ANXA8: variants seen among roughly 807,000 people sequenced by gnomAD.
ANXA8 encodes VAC-beta.
Under a neutral mutation model 26.8 loss-of-function variants are expected in ANXA8, and 9 were observed. That is an observed-to-expected ratio of 0.34 (90% CI 0.20 to 0.59). The LOEUF (loss-of-function observed/expected upper bound fraction) is 0.59, where lower values mean the gene tolerates loss of function less well. ANXA8 is among the 20% of genes least tolerant of loss of function. The pLI is 0.84. For synonymous variants in ANXA8, 39 were observed against 94.8 expected (o/e 0.41, Z 3.42); for missense variants, 83 against 238.5 (o/e 0.35, Z 4.29).
the ANXA8 span, among the ~76,000 whole-genome samples, chr10:47,560,584 T>C: frequency 9.2e-5 from 14 of 152,014 alleles, no homozygotes; most frequent in Admixed American, 5.9e-4. Context: ...TTTGCCTGTT[T>C]GACCACTTGC....
the ANXA8 span, among the ~76,000 whole-genome samples, chr10:47,560,671 C>T: frequency 2.0e-5 from 3 of 152,036 alleles, no homozygotes; most frequent in East Asian, 5.8e-4. Flanking sequence ...GGCGTTAGCA[C>T]CCCTCCATGC....
At chr10:47,564,858 C>T in the ANXA8 span, 6 of 1,177,728 alleles carry the variant, frequency 5.1e-6, no homozygotes, top group East Asian at 1.2e-4. Context: ...TGCCCCAAGC[C>T]TGACTTCATC....
chr10:47,595,348 G>A, the ANXA8 span, among the ~76,000 whole-genome samples: 113,561 of 142,670 alleles, frequency 0.8, 46,013 homozygotes, highest in African/African-American at 0.91. Flanking sequence ...AAGCAACTAC[G>A]CAATTGAGAC....
At chr10:47,555,782 AC>A in the ANXA8 span, among the ~76,000 whole-genome samples, 217 of 152,196 alleles carry the variant, frequency 1.4e-3, no homozygotes, top group African/African-American at 4.8e-3. Context: ...TGCAGAGAGA[AC>A]TGGAGAACTG....
At chr10:47,989,111 A>AT in the ANXA8 span, among the ~76,000 whole-genome samples, 2 of 142,362 alleles carry the variant, frequency 1.4e-5, no homozygotes, top group Admixed American at 7.1e-5. Context: ...GGACTCCCTT[A>AT]CACAGCTAGT....
the ANXA8 span, among the ~76,000 whole-genome samples, chr10:47,743,357 CATAT>C: frequency 6.7e-4 from 28 of 41,708 alleles, 1 homozygote; most frequent in East Asian, 2.1e-3. Flanking sequence ...TATATATACA[CATAT>C]ATATATATAC....
the ANXA8 span, among the ~76,000 whole-genome samples, chr10:47,590,743 C>T: frequency 1.9e-4 from 27 of 144,268 alleles, no homozygotes; most frequent in Non-Finnish European, 3.7e-4. Flanking sequence ...CCTTTCTAGA[C>T]AGAGGAACTG....
the ANXA8 span, among the ~76,000 whole-genome samples, chr10:47,946,385 AATCTCTGAGGTCAC>A: frequency 6.6e-6 from 1 of 150,632 alleles, no homozygotes; most frequent in Admixed American, 6.6e-5. Context: ...CTAGAGGTTT[AATCTCTGAGGTCAC>A]ATCTCTGAGG....
chr10:47,968,077 G>A, the ANXA8 span, among the ~76,000 whole-genome samples: 62 of 151,334 alleles, frequency 4.1e-4, 1 homozygote, highest in South Asian at 1.3e-3. Flanking sequence ...TACAGTCCTC[G>A]AGATTTTTGC....
At chr10:47,908,982 C>A in the ANXA8 span, among the ~76,000 whole-genome samples, 7 of 71,542 alleles carry the variant, frequency 9.8e-5, 3 homozygotes, top group African/African-American at 2.0e-4. Context: ...TCATTTGGAT[C>A]TGGGAATTTT....
At chr10:47,571,594 G>A in the ANXA8 span, among the ~76,000 whole-genome samples, 1 of 148,182 alleles carries the variant, frequency 6.7e-6, no homozygotes, top group Non-Finnish European at 1.5e-5. Context: ...AAAGAGGCTG[G>A]GATTTTGATA....
the ANXA8 span, among the ~76,000 whole-genome samples, chr10:47,585,783 T>TA: frequency 0.7 from 32,756 of 46,920 alleles, 11,074 homozygotes; most frequent in African/African-American, 0.83. Flanking sequence ...AATTTTTTTG[T>TA]AAAAAAAAAA....
the ANXA8 span, among the ~76,000 whole-genome samples, chr10:47,918,259 CAGAG>C: frequency 1.7e-4 from 1 of 5,742 alleles, no homozygotes; most frequent in Non-Finnish European, 3.2e-4. Context: ...GAAACTGAGG[CAGAG>C]AGAGAGAGAG....
the ANXA8 span, among the ~76,000 whole-genome samples, chr10:47,743,295 CACATAT>C: frequency 1.4e-3 from 95 of 69,098 alleles, 3 homozygotes; most frequent in African/African-American, 3.6e-3. Context: ...TATATATATA[CACATAT>C]ATATATATAT....
the ANXA8 span, among the ~76,000 whole-genome samples, chr10:47,768,611 G>C: frequency 9.7e-4 from 146 of 150,512 alleles, 5 homozygotes; most frequent in Non-Finnish European, 7.8e-4. Context: ...GGCTGGGGAG[G>C]GGGGTGTGCT....
At chr10:47,949,694 T>C in the ANXA8 span, among the ~76,000 whole-genome samples, 2 of 149,914 alleles carry the variant, frequency 1.3e-5, no homozygotes, top group Non-Finnish European at 3.0e-5. Flanking sequence ...AATAGTATAT[T>C]TGTAATGAGC....
the ANXA8 span, chr10:47,549,442 T>A: frequency 9.2e-7 from 1 of 1,088,514 alleles, no homozygotes; most frequent in East Asian, 2.4e-5. Flanking sequence ...ACTCTAACCA[T>A]CAACTCTTAA....
the ANXA8 span, chr10:47,565,968 T>A: frequency 1.4e-6 from 2 of 1,480,194 alleles, no homozygotes; most frequent in South Asian, 2.6e-5. Context: ...CTGGCCGCCC[T>A]GGGCAAGCAG....
chr10:47,905,844 G>A, the ANXA8 span, among the ~76,000 whole-genome samples: 14 of 136,074 alleles, frequency 1.0e-4, 2 homozygotes, highest in Non-Finnish European at 1.9e-4. Flanking sequence ...AGCTTGCAAT[G>A]GCTTTTAACT....
Sources: gnomAD v4.1 joint callset for allele counts (sites outside exome capture counted in the v4.1 genomes callset) on GRCh38, gnomAD v4.1.1 for gene constraint, MANE v1.5 for transcripts, NCBI Gene and HGNC (gene_info 2026-07-23, HGNC 2026-07-21) for gene names.